Variants in RAB11FIP3 observed in about 807,000 individuals in gnomAD.
The protein encoded by RAB11FIP3 is rab11 family-interacting protein 3.
RAB11FIP3 carries 17 observed loss-of-function variants against 77.8 expected under a neutral mutation model. The observed-to-expected ratio is 0.22, with a 90% CI of 0.15 to 0.33. The LOEUF is 0.33. Ranked by LOEUF, RAB11FIP3 falls within the 10% of genes least tolerant of loss-of-function variation. The probability of loss-of-function intolerance (pLI) is 1.00; values close to 1 mark genes in which losing one functional copy is unlikely to be tolerated. For missense variants in RAB11FIP3, 1,005 were observed against 1,011.2 expected, an observed-to-expected ratio of 0.99 and a Z score of 0.08; for synonymous variants, 437 against 448.2, an observed-to-expected ratio of 0.98 and a Z score of 0.31.
intron 5 of RAB11FIP3, among the ~76,000 whole-genome samples, chr16:496,226 A>C (rs1201635615): frequency 1.3e-5 from 2 of 152,188 alleles, no homozygotes; most frequent in Non-Finnish European, 2.9e-5. Flanking sequence ...AGACTGTAAA[A>C]TACAACTTTG....
At chr16:475,360 G>A (rs1395048971) in intron 3 of RAB11FIP3, among the ~76,000 whole-genome samples, 1 of 152,258 alleles carries the variant, frequency 6.6e-6, no homozygotes, top group Non-Finnish European at 1.5e-5. Flanking sequence ...TTGTAAAAAT[G>A]TTAAAAAGTT....
rs753314176 is a variant in RAB11FIP3 at position 426,494 on chromosome 16, C to T, written c.488C>T (p.Pro163Leu). The T allele has an allele frequency of 1.4e-5, 22 of 1,580,434 alleles. No homozygotes were observed. The highest frequency in any genetic ancestry group is 1.9e-5 in the Non-Finnish European group (22 of 1,164,352). The part of the protein sequence containing the change: ...RARGEVDVFS[P>L]FPAPTAGELA... Reference sequence around the variant, plus strand: ...CGGGGCGAGGTCGACGTCTTCTCTCCCTTCCCCGCGCCCACGGCGGGCGAG... The same window carrying T: ...CGGGGCGAGGTCGACGTCTTCTCTCTCTTCCCCGCGCCCACGGCGGGCGAG... Residue 163 changes from proline (P) to leucine (L), a missense_variant, in exon 1 of 14, where the codon CCC becomes CTC. Pro to Leu is a moderately conservative substitution (Grantham distance 98). Around this residue, in one of 4 missense-constraint regions of RAB11FIP3, gnomAD observed 466 missense variants for 408.3 expected, o/e 1.14. Transcript: ENST00000262305. The surrounding 1 kb of genome is among the most constrained non-coding windows in gnomAD (Gnocchi z 5.0).
At position 505,598 on chromosome 16, in the gene RAB11FIP3, G is replaced by C. The variant is rs1227822756; in HGVS notation, c.1470G>C (p.Leu490=). 1 of 1,603,434 alleles carries C rather than the reference G, an allele frequency of 6.2e-7. No homozygotes were observed. The highest frequency in any genetic ancestry group is 8.5e-7 in the Non-Finnish European group (1 of 1,179,380). ...CCACCGGTGAGCAACACAGCCGCCT[G>C]AGGCAGGAGAACCTGCAGCTGGTGC... ...TAATGEQHSR[L]RQENLQLVHR... The change falls in exon 8 of 14, where the codon CTG becomes CTC. Residue 490 remains leucine, a synonymous_variant. Coordinates refer to ENST00000262305, the MANE Select transcript of RAB11FIP3 (RefSeq NM_014700.4). The surrounding 1 kb of genome is among the most constrained non-coding windows in gnomAD (Gnocchi z 4.0).
chr16:435,955 T>C (rs1388377947), intron 1 of RAB11FIP3, among the ~76,000 whole-genome samples: 1 of 152,160 alleles, frequency 6.6e-6, no homozygotes, highest in East Asian at 1.9e-4. Context: ...TTTACTGATA[T>C]TTGGAGAAAT....
intron 5 of RAB11FIP3, chr16:489,206 G>A: frequency 1.6e-6 from 1 of 642,386 alleles, no homozygotes; most frequent in Admixed American, 3.2e-5. Flanking sequence ...CACATCCCCA[G>A]ATCACTCTAC....
intron 3 of RAB11FIP3, among the ~76,000 whole-genome samples, chr16:476,634 A>G (rs1332533473): frequency 1.3e-5 from 2 of 152,090 alleles, no homozygotes; most frequent in East Asian, 3.8e-4. Flanking sequence ...GTCCAAGGTC[A>G]GGTGCGGTGG....
intron 4 of RAB11FIP3, among the ~76,000 whole-genome samples, chr16:486,116 T>C (rs7201924): frequency 0.56 from 85,893 of 152,078 alleles, 24,475 homozygotes; most frequent in Middle Eastern, 0.66. Context: ...ATTGGCCAGG[T>C]TGACCTCAAA....
chr16:456,103 G>A (rs2055498535), intron 1 of RAB11FIP3, among the ~76,000 whole-genome samples: 1 of 151,736 alleles, frequency 6.6e-6, no homozygotes, highest in Admixed American at 6.6e-5. Flanking sequence ...AGGCCAAGGC[G>A]GATGGATCAC....
At position 426,961 on chromosome 16, in the gene RAB11FIP3, C is replaced by G. The variant is rs2054957491; in HGVS notation, c.714+241C>G. On this transcript the variant is annotated intron_variant, in intron 1 of 13. Coordinates refer to ENST00000262305, the MANE Select transcript of RAB11FIP3 (RefSeq NM_014700.4). The surrounding 1 kb of genome is among the most constrained non-coding windows in gnomAD (Gnocchi z 5.0). ...TGGGGAGTCAGTTTCTTCCCCTCCC[C>G]CCAGCGCCTCGTCAGCTGGATCTTA... 6.6e-6 allele frequency among the ~76,000 whole-genome samples: 1 copy of G among 152,186 alleles called. No individual in the cohort carries two copies. The highest frequency in any genetic ancestry group is 2.4e-5 in the African/African-American group (1 of 41,458).
chr16:461,489 G>A lies in RAB11FIP3; in HGVS notation c.800G>A (p.Arg267Lys). The change falls in exon 2 of 14, where the codon AGA becomes AAA. Residue 267 changes from arginine to lysine, a missense_variant. This residue lies in a region of RAB11FIP3 where 466 missense variants were observed against 408.3 expected (regional missense o/e 1.14). Transcript: ENST00000262305. This position sits in a 1 kb window ranked among gnomAD's most constrained non-coding sequence, Gnocchi z 4.5. Reference protein sequence around the residue: ...EDFYQGITAIRNGDPDGQCYG... With the variant: ...EDFYQGITAIKNGDPDGQCYG... ...TTCTACCAAGGGATCACAGCCATCA[G>A]AAACGGAGGTCAGTCATCCCCGCCA... is the stretch of plus-strand genomic sequence containing the variant. The A allele has an allele frequency of 6.2e-7, 1 of 1,613,292 alleles. No homozygotes were observed. The highest frequency in any genetic ancestry group is 8.5e-7 in the Non-Finnish European group (1 of 1,179,782).
chr16:452,903 C>A (rs1271890604), intron 1 of RAB11FIP3, among the ~76,000 whole-genome samples: 1 of 64,988 alleles, frequency 1.5e-5, no homozygotes, highest in Non-Finnish European at 3.0e-5. Flanking sequence ...TACAGGCGCC[C>A]GCCACCACGC....
Position 426,779 on chromosome 16 carries a change from G to A in RAB11FIP3, c.714+59G>A. The A allele has an allele frequency of 7.3e-7, 1 of 1,373,140 alleles. No homozygotes were observed. Among genetic ancestry groups the A allele is most frequent in the South Asian group, 1.6e-5 (1 of 63,352 alleles). 85.1% of individuals were successfully genotyped at this position (1,373,140 alleles called of 1,614,324 possible). Reference sequence around the variant, plus strand: ...GGGCAGGTGCGCGCTGGCCGGCGGGGTTGATGTGGGACCGGTCGACGCTGC... The same window carrying A: ...GGGCAGGTGCGCGCTGGCCGGCGGGATTGATGTGGGACCGGTCGACGCTGC... On this transcript the variant is annotated intron_variant, in intron 1 of 13. Coordinates refer to ENST00000262305, the MANE Select transcript of RAB11FIP3 (RefSeq NM_014700.4). The surrounding 1 kb of genome is among the most constrained non-coding windows in gnomAD (Gnocchi z 5.0).
intron 1 of RAB11FIP3, among the ~76,000 whole-genome samples, chr16:458,433 TGGGGGGCCTTCCTCGGGTTCACCGATGCC>T (rs2055540534): frequency 1.3e-5 from 2 of 151,338 alleles, no homozygotes; most frequent in African/African-American, 4.9e-5. Flanking sequence ...CCACAGGGCC[TGGGGGGCCTTCCTCGGGTTCACCGATGCC>T]CACAGGGCCT....
chr16:489,461 TGTCCAGAGTCACTCTAGGGA>T (rs1411346359), intron 5 of RAB11FIP3, among the ~76,000 whole-genome samples: 19 of 152,334 alleles, frequency 1.2e-4, no homozygotes, highest in Admixed American at 1.2e-3. Flanking sequence ...CACTCACAAA[TGTCCAGAGTCACTCTAGGGA>T]GTCCAGAGTC....
chr16:466,627 G>A (rs747983869), intron 2 of RAB11FIP3, among the ~76,000 whole-genome samples: 9 of 152,332 alleles, frequency 5.9e-5, no homozygotes, highest in Non-Finnish European at 8.8e-5. Context: ...TGTGGTTGCC[G>A]GTGTCTTGGC....
intron 1 of RAB11FIP3, among the ~76,000 whole-genome samples, chr16:437,671 G>A (rs1277989184): frequency 1.3e-5 from 2 of 151,802 alleles, no homozygotes; most frequent in Non-Finnish European, 2.9e-5. Context: ...ACACTGAACT[G>A]ATAACTATAT....
chr16:488,699 G>A (rs927761359), intron 4 of RAB11FIP3, 152 bp from the exon 5 acceptor site: 42 of 693,358 alleles, frequency 6.1e-5, no homozygotes, highest in Non-Finnish European at 8.5e-5. Flanking sequence ...GTGAGCCACC[G>A]CATCCAGCCC....
chr16:480,209 C>T (rs1402223407), intron 3 of RAB11FIP3, among the ~76,000 whole-genome samples: 1 of 137,176 alleles, frequency 7.3e-6, no homozygotes, highest in African/African-American at 2.7e-5. Context: ...CTTTTGAACC[C>T]GGGAGGTGTA....
intron 5 of RAB11FIP3, among the ~76,000 whole-genome samples, chr16:492,347 T>C (rs2030307529): frequency 1.7e-5 from 1 of 59,796 alleles, no homozygotes; most frequent in Non-Finnish European, 2.6e-5. Context: ...GCAGAAGTGC[T>C]CTTTGAAGAG....
Sources: allele counts gnomAD v4.1 joint callset (sites outside exome capture counted in the v4.1 genomes callset), GRCh38; gene constraint gnomAD v4.1.1; regional missense constraint gnomAD v4.1.1; non-coding constraint Gnocchi (gnomAD v3.1); transcripts MANE v1.5; gene names NCBI Gene and HGNC (gene_info 2026-07-23, HGNC 2026-07-21).